KCNQ5: variants seen among roughly 807,000 people sequenced by gnomAD.
The protein encoded by KCNQ5 is potassium voltage-gated channel subfamily KQT member 5.
KCNQ5 carries 30 observed loss-of-function variants against 98.2 expected under a neutral mutation model. That is an observed-to-expected ratio of 0.31 (90% confidence interval 0.23 to 0.41). The LOEUF (loss-of-function observed/expected upper bound fraction) is 0.41, where lower values mean the gene tolerates loss of function less well. Ranked by LOEUF, KCNQ5 falls within the 10% of genes least tolerant of loss-of-function variation. KCNQ5 has a pLI of 1.00. For missense variants in KCNQ5, 835 were observed against 1,182.5 expected (o/e 0.71, Z 4.31); for synonymous variants, 458 against 449.4 (o/e 1.02, Z -0.24).
chr6:72,844,568 T>C (rs1271405012), intron 1 of KCNQ5, among the ~76,000 whole-genome samples: 4 of 152,202 alleles, frequency 2.6e-5, no homozygotes, highest in Non-Finnish European at 5.9e-5. Flanking sequence ...ATCTAAACTT[T>C]TGTAATGCAT....
At chr6:72,914,556 C>T (rs1242172144) in intron 1 of KCNQ5, among the ~76,000 whole-genome samples, 1 of 146,724 alleles carries the variant, frequency 6.8e-6, no homozygotes. Flanking sequence ...CCCCCTGACA[C>T]ATCTAGCATG....
At chr6:72,703,607 A>G (rs1768933520) in intron 1 of KCNQ5, among the ~76,000 whole-genome samples, 2 of 152,236 alleles carry the variant, frequency 1.3e-5, no homozygotes, top group African/African-American at 4.8e-5. Flanking sequence ...ATTCCTGTAA[A>G]CAAGCATTTG....
chr6:72,747,197 T>G (rs1313718086), intron 1 of KCNQ5, among the ~76,000 whole-genome samples: 1 of 152,190 alleles, frequency 6.6e-6, no homozygotes, highest in Non-Finnish European at 1.5e-5. Flanking sequence ...AATCCTAGAT[T>G]AATTTTAAAT....
At chr6:72,838,764 C>A (rs1003680937) in intron 1 of KCNQ5, among the ~76,000 whole-genome samples, 9 of 151,320 alleles carry the variant, frequency 5.9e-5, no homozygotes, top group Non-Finnish European at 1.3e-4. Context: ...TCCTGGCTAA[C>A]ACGGTGAAAC....
chr6:72,635,559 G>C (rs2098923551), intron 1 of KCNQ5, among the ~76,000 whole-genome samples: 2 of 151,184 alleles, frequency 1.3e-5, no homozygotes, highest in African/African-American at 4.9e-5. Flanking sequence ...ATTTCATTCA[G>C]CTTCCATGCT....
chr6:72,900,668 C>G (rs1417786346), intron 1 of KCNQ5, among the ~76,000 whole-genome samples: 3 of 151,772 alleles, frequency 2.0e-5, no homozygotes, highest in Non-Finnish European at 4.4e-5. Context: ...GGTAGATACC[C>G]AGTAGTGGGG....
chr6:73,132,962 T>C (rs1776294299), intron 9 of KCNQ5, among the ~76,000 whole-genome samples: 1 of 152,244 alleles, frequency 6.6e-6, no homozygotes, highest in African/African-American at 2.4e-5. Context: ...ATAAAATGCA[T>C]GCCAAATGTA....
chr6:72,694,690 G>A (rs369240477), intron 1 of KCNQ5, among the ~76,000 whole-genome samples: 5 of 152,162 alleles, frequency 3.3e-5, no homozygotes, highest in Non-Finnish European at 5.9e-5. Context: ...TTATTGTCAC[G>A]ATACTGGAAC....
chr6:73,161,050 T>C (rs556780861), intron 10 of KCNQ5, among the ~76,000 whole-genome samples: 1 of 152,332 alleles, frequency 6.6e-6, no homozygotes, highest in South Asian at 2.1e-4. Flanking sequence ...ATCCAAAATA[T>C]GGACTTAACC....
intron 1 of KCNQ5, among the ~76,000 whole-genome samples, chr6:72,919,022 G>T (rs552933372): frequency 1.3e-5 from 2 of 152,086 alleles, no homozygotes; most frequent in South Asian, 4.1e-4. Context: ...CCATCTTCCT[G>T]ATGGTTTCAG....
rs186127201 is a variant in KCNQ5, at chr6:72,733,512, G to C, written c.398+110925G>C. Among the ~76,000 whole-genome samples, 11 of 152,312 alleles carry C rather than the reference G, an allele frequency of 7.2e-5. No individual in the cohort carries two copies. The East Asian group carries it at 1.7e-3, about 24-fold the overall frequency. ...TGCTCACTGAGTTAGGGAGAAGTTA[G>C]ACTTTATGTCCATCTTTTTAAAAAT... On this transcript the variant is annotated intron_variant, in intron 1 of 13. Coordinates refer to ENST00000370398, the MANE Select transcript of KCNQ5 (RefSeq NM_019842.4).
chr6:72,901,330 T>G (rs1779498031), intron 1 of KCNQ5, among the ~76,000 whole-genome samples: 2 of 152,176 alleles, frequency 1.3e-5, no homozygotes, highest in Admixed American at 1.3e-4. Flanking sequence ...CTGTTCCTTT[T>G]GTCATGCAAA....
intron 1 of KCNQ5, among the ~76,000 whole-genome samples, chr6:72,921,846 A>G (rs1780414047): frequency 6.6e-6 from 1 of 152,166 alleles, no homozygotes; most frequent in South Asian, 2.1e-4. Flanking sequence ...TTCATAACTC[A>G]CTGAATCACT....
intron 1 of KCNQ5, among the ~76,000 whole-genome samples, chr6:72,911,147 G>C (rs1377176867): frequency 1.3e-5 from 2 of 152,160 alleles, no homozygotes; most frequent in Non-Finnish European, 2.9e-5. Flanking sequence ...AATCCTCCTG[G>C]CTTAAATGTA....
chr6:72,716,900 G>A (rs76695427), intron 1 of KCNQ5, among the ~76,000 whole-genome samples: 2,035 of 152,270 alleles, frequency 0.013, 34 homozygotes, highest in African/African-American at 0.042. Flanking sequence ...CTTAAATTCA[G>A]TTATGCATTT....
rs766493000 is a variant in KCNQ5, at chr6:73,120,494, T to C, written c.1137T>C (p.Arg379=). The C allele has an allele frequency of 1.2e-6, 2 of 1,612,436 alleles. No homozygotes were observed. Among genetic ancestry groups the C allele is most frequent in the African/African-American group, 2.7e-5 (2 of 74,908 alleles). The part of the protein sequence containing the change: ...PAANLIQCVW[R]SYAADEKSVS... ...TATGCCACATGCAGTGTGTTTGGCGTAGTTACGCAGCTGATGAGAAATCTG... is the reference window on the plus strand; with the variant it reads ...TATGCCACATGCAGTGTGTTTGGCGCAGTTACGCAGCTGATGAGAAATCTG... Residue 379 remains arginine (R), a synonymous_variant, in exon 8 of 14, where the codon CGT becomes CGC. Coordinates refer to ENST00000370398, the MANE Select transcript of KCNQ5 (RefSeq NM_019842.4).
intron 1 of KCNQ5, among the ~76,000 whole-genome samples, chr6:72,720,495 T>G (rs1435690884): frequency 1.3e-5 from 2 of 152,172 alleles, no homozygotes; most frequent in African/African-American, 4.8e-5. Flanking sequence ...AAAGGCTGTT[T>G]TCTTTTCCCT....
At chr6:73,041,573 C>T (rs1306096023) in intron 2 of KCNQ5, among the ~76,000 whole-genome samples, 2 of 152,108 alleles carry the variant, frequency 1.3e-5, no homozygotes, top group Non-Finnish European at 2.9e-5. Flanking sequence ...ATTTCAGGAT[C>T]GCTATTTTAT....
chr6:72,866,932 A>G (rs1332964510), intron 1 of KCNQ5, among the ~76,000 whole-genome samples: 1 of 152,172 alleles, frequency 6.6e-6, no homozygotes, highest in Non-Finnish European at 1.5e-5. Context: ...CATGAGCTCA[A>G]ATTATTTGCT....
Sources: allele counts gnomAD v4.1 joint callset (sites outside exome capture counted in the v4.1 genomes callset), GRCh38; gene constraint gnomAD v4.1.1; transcripts MANE v1.5; gene names NCBI Gene and HGNC (gene_info 2026-07-23, HGNC 2026-07-21).